COBLL1: variants seen among roughly 807,000 people sequenced by gnomAD.
The protein encoded by COBLL1 is cordon-bleu WH2 repeat protein like 1, also known as cordon-bleu protein-like 1.
In COBLL1, 50 loss-of-function variants were observed where a neutral mutation model predicts 94.8. That is an observed-to-expected ratio of 0.53 (90% CI 0.42 to 0.67). COBLL1 has a LOEUF of 0.67. Ranked by LOEUF, COBLL1 falls within the 30% of genes least tolerant of loss-of-function variation. The pLI is 0.00. For missense variants in COBLL1, 1,362 were observed against 1,348.7 expected, an observed-to-expected ratio of 1.01 and a Z score of -0.15; for synonymous variants, 448 against 473.8, an observed-to-expected ratio of 0.95 and a Z score of 0.71.
intron 2 of COBLL1, among the ~76,000 whole-genome samples, chr2:164,821,898 TGA>T (rs1393722067): frequency 2.6e-5 from 4 of 152,176 alleles, no homozygotes; most frequent in African/African-American, 4.8e-5. Context: ...GAATAGAAAC[TGA>T]GAGTGGTGAG....
downstream of COBLL1, among the ~76,000 whole-genome samples, chr2:164,679,222 T>C (rs867796225): frequency 6.6e-5 from 10 of 152,276 alleles, no homozygotes; most frequent in African/African-American, 2.2e-4. Flanking sequence ...CCCTGCCTAG[T>C]AAAATTCTAG....
At chr2:164,690,526 T>G (rs1253296612) in intron 13 of COBLL1, among the ~76,000 whole-genome samples, 1 of 152,222 alleles carries the variant, frequency 6.6e-6, no homozygotes, top group Non-Finnish European at 1.5e-5. Flanking sequence ...ACACCAAGTA[T>G]ATAGCTGCTG....
intron 2 of COBLL1, among the ~76,000 whole-genome samples, chr2:164,806,861 G>C (rs941354467): frequency 6.6e-6 from 1 of 151,958 alleles, no homozygotes; most frequent in African/African-American, 2.4e-5. Context: ...TGCCACACTC[G>C]GCTAATTTTT....
intron 2 of COBLL1, among the ~76,000 whole-genome samples, chr2:164,840,037 A>G (rs1166486231): frequency 6.6e-6 from 1 of 152,212 alleles, no homozygotes; most frequent in Non-Finnish European, 1.5e-5. Context: ...TCCTCTAGAC[A>G]GCTGCCAATG....
intron 2 of COBLL1, among the ~76,000 whole-genome samples, chr2:164,770,736 C>T (rs778628118): frequency 6.6e-6 from 1 of 152,044 alleles, no homozygotes. Context: ...AATAGGTGGA[C>T]CTAGAAACAA....
At chr2:164,659,522 G>C (rs1191748469) in intron 2 of COBLL1, among the ~76,000 whole-genome samples, 1 of 152,170 alleles carries the variant, frequency 6.6e-6, no homozygotes, top group African/African-American at 2.4e-5. Flanking sequence ...ATGGTTGTCT[G>C]ATAGCTACAA....
intron 7 of COBLL1, chr2:164,718,333 GGTAA>G (rs1288148560): frequency 4.2e-6 from 3 of 714,412 alleles, no homozygotes; most frequent in Middle Eastern, 7.1e-4. Flanking sequence ...TAGAGGATGA[GGTAA>G]GTAAGTCATG....
rs1683837297 is a variant in COBLL1, at chr2:164,694,950, T to C, written c.2442A>G (p.Ser814=). ...GAGGACTAACCATGGCATCATCAGG[T>C]GAGCTCACAGAACTGGGCACTTGAT... The part of the protein sequence containing the change: ...TEHQVPSSVS[S]PDDAMVSPLK... Residue 814 remains serine (S), a synonymous_variant, in exon 12 of 14, where the codon TCA becomes TCG. Coordinates refer to ENST00000652658, the MANE Select transcript of COBLL1 (RefSeq NM_001365672.2). The C allele has an allele frequency of 1.2e-6, 2 of 1,614,002 alleles. No homozygotes were observed. The highest frequency in any genetic ancestry group is 1.7e-5 in the Admixed American group (1 of 59,990).
rs1574687845 is a variant in COBLL1, at chr2:164,841,315, G to C, written c.-50-69C>G. 1.7e-6 allele frequency: 2 copies of C among 1,210,772 alleles called. No individual in the cohort carries two copies. Among genetic ancestry groups the C allele is most frequent in the Non-Finnish European group, 2.1e-6 (2 of 974,526 alleles). The allele number at this position is 1,210,772 out of a possible 1,614,324, so 75.0% of individuals were successfully genotyped here. ...TCCCGAGGCCGGAGCGAAGCTGGCT[G>C]AGCGTCAAGAGCCCGCCCGAGCCGC... On this transcript the variant is annotated intron_variant, in intron 1 of 13. Transcript: ENST00000652658. The surrounding 1 kb of genome is among the most constrained non-coding windows in gnomAD (Gnocchi z 5.5).
In COBLL1 at chr2:164,693,620, T is replaced by C. The variant is rs187402723; in HGVS notation, c.3123+649A>G. On this transcript the variant is annotated intron_variant, in intron 12 of 13. Coordinates refer to ENST00000652658, the MANE Select transcript of COBLL1 (RefSeq NM_001365672.2). Reference sequence around the variant, plus strand: ...ACACTAAGTCAACAACATTCCTTTATGGTAAATATTTAAGGTTAGATAGTG... The same window carrying C: ...ACACTAAGTCAACAACATTCCTTTACGGTAAATATTTAAGGTTAGATAGTG... 2.0e-3 allele frequency among the ~76,000 whole-genome samples: 306 copies of C among 152,224 alleles called. 1 individual carries two copies. The highest frequency in any genetic ancestry group is 6.1e-3 in the African/African-American group (253 of 41,568).
In COBLL1 at chr2:164,692,378, T is replaced by C; in HGVS notation, c.3143A>G (p.Asn1048Ser). ...AGTTGGTATTTGGGAATTCTGTTCA[T>C]TATGTGCAGAGTTATTTTCCTACAA... ...VSDKENNSAH[N>S]EQNSQIPTPT... The change falls in exon 13 of 14, where the codon AAT (asparagine) becomes AGT (serine). Residue 1048 changes from asparagine to serine, a missense_variant. Physicochemically the swap from Asn to Ser is conservative, Grantham distance 46 (BLOSUM62 1). Transcript: ENST00000652658. 6.2e-7 allele frequency: 1 copy of C among 1,610,110 alleles called. No homozygotes were observed. The highest frequency in any genetic ancestry group is 8.5e-7 in the Non-Finnish European group (1 of 1,178,536).
chr2:164,778,754 C>A (rs1032616010), intron 2 of COBLL1, among the ~76,000 whole-genome samples: 2 of 152,098 alleles, frequency 1.3e-5, no homozygotes, highest in Non-Finnish European at 2.9e-5. Flanking sequence ...AGACCAGGGA[C>A]AAGCAGACCA....
At chr2:164,672,816 A>AAAAT (rs1227697498) in intron 1 of COBLL1, among the ~76,000 whole-genome samples, 1 of 152,066 alleles carries the variant, frequency 6.6e-6, no homozygotes, top group Non-Finnish European at 1.5e-5. Flanking sequence ...GGGATATTTC[A>AAAAT]GAACACCTTA....
At chr2:164,726,829 T>A (rs1165410680) in intron 5 of COBLL1, among the ~76,000 whole-genome samples, 1 of 152,074 alleles carries the variant, frequency 6.6e-6, no homozygotes, top group African/African-American at 2.4e-5. Flanking sequence ...TCCTAGTAAA[T>A]CATTTTTCCT....
chr2:164,805,333 CTCTCTATATATA>C (rs1245220225), intron 2 of COBLL1, among the ~76,000 whole-genome samples: 9 of 20,556 alleles, frequency 4.4e-4, no homozygotes, highest in South Asian at 1.9e-3. Context: ...CTCTCTCTCT[CTCTCTATATATA>C]TATATATATA....
At chr2:164,707,187 G>A (rs559139854) in intron 7 of COBLL1, among the ~76,000 whole-genome samples, 3 of 151,626 alleles carry the variant, frequency 2.0e-5, no homozygotes, top group Non-Finnish European at 2.9e-5. Flanking sequence ...TCTCCACCTA[G>A]GTTGGAGTGC....
intron 2 of COBLL1, among the ~76,000 whole-genome samples, chr2:164,799,799 G>A (rs1683667550): frequency 6.6e-6 from 1 of 152,126 alleles, no homozygotes; most frequent in Non-Finnish European, 1.5e-5. Context: ...ACACAAACAT[G>A]AACAACTTGT....
intron 2 of COBLL1, among the ~76,000 whole-genome samples, chr2:164,756,527 G>GT (rs1440747224): frequency 1.3e-5 from 2 of 152,118 alleles, no homozygotes; most frequent in Non-Finnish European, 2.9e-5. Context: ...AGTTGATAGA[G>GT]TAATAGTTTA....
intron 4 of COBLL1, 78 bp downstream of exon 4, chr2:164,729,836 A>T (rs28651164): frequency 0.11 from 135,375 of 1,243,382 alleles, 7,947 homozygotes; most frequent in Middle Eastern, 0.14. Context: ...TAACCAGTAA[A>T]GTCCATTTTT....
Sources: allele counts gnomAD v4.1 joint callset (sites outside exome capture counted in the v4.1 genomes callset), GRCh38; gene constraint gnomAD v4.1.1; non-coding constraint Gnocchi (gnomAD v3.1); transcripts MANE v1.5; gene names NCBI Gene and HGNC (gene_info 2026-07-23, HGNC 2026-07-21).